FBXL5: variants seen among roughly 807,000 people sequenced by gnomAD.
The protein encoded by FBXL5 is F-box and leucine rich repeat protein 5.
In FBXL5, 26 loss-of-function variants were observed where a neutral mutation model predicts 78.3. That is an observed-to-expected ratio of 0.33 (90% confidence interval 0.24 to 0.46). The LOEUF is 0.46. FBXL5 is among the 20% of genes least tolerant of loss of function. The pLI is 1.00. For synonymous variants in FBXL5, 295 were observed against 282.5 expected, an observed-to-expected ratio of 1.04 and a Z score of -0.45; for missense variants, 710 against 829.2, an observed-to-expected ratio of 0.86 and a Z score of 1.77.
chr4:15,656,253 C>T, upstream of FBXL5: 1 of 456,234 alleles, frequency 2.2e-6, no homozygotes, highest in Non-Finnish European at 4.4e-6. Flanking sequence ...GCCTCTTTCC[C>T]ATAAATCGCC....
chr4:15,611,418 C>T (rs184044033), intron 10 of FBXL5, among the ~76,000 whole-genome samples: 2 of 152,034 alleles, frequency 1.3e-5, no homozygotes, highest in East Asian at 1.9e-4. Context: ...GACAATAGGG[C>T]GCAGTATAAA....
At chr4:15,657,118 C>A (rs368696562), upstream of FBXL5, among the ~76,000 whole-genome samples, 3 of 152,182 alleles carry the variant, frequency 2.0e-5, no homozygotes, top group Non-Finnish European at 4.4e-5. Flanking sequence ...TTTGCCAGGA[C>A]TTTGCCTCTA....
At chr4:15,647,781 T>C (rs190095900) in intron 1 of FBXL5, among the ~76,000 whole-genome samples, 21 of 152,320 alleles carry the variant, frequency 1.4e-4, no homozygotes, top group Non-Finnish European at 2.4e-4. Context: ...TACCAGCAAG[T>C]CATTACATTT....
In FBXL5 at chr4:15,605,415, T is replaced by C. The variant is rs545575113; in HGVS notation, c.*308A>G. ...CCATGGACTTTAAAACTCAAAATTA[T>C]CTATGAAATACTTTAAATGACATGG... On this transcript the variant is annotated 3_prime_UTR_variant, in exon 11 of 11. Transcript: ENST00000341285. The C allele has an allele frequency of 2.5e-4, 60 of 241,102 alleles. No homozygotes were observed. The highest frequency in any genetic ancestry group is 1.5e-3 in the Middle Eastern group (1 of 646). 14.9% of individuals were successfully genotyped at this position (241,102 alleles called of 1,614,324 possible). A position where few individuals can be genotyped will look rare whatever the true frequency, so the allele number is the denominator to read the frequency against.
intron 1 of FBXL5, among the ~76,000 whole-genome samples, chr4:15,647,222 C>CAAAA (rs112736448): frequency 3.7e-3 from 133 of 35,792 alleles, no homozygotes; most frequent in East Asian, 7.0e-3. Context: ...GACTCCATCT[C>CAAAA]AAAAAAAAAA....
upstream of FBXL5, chr4:15,656,477 A>G (rs969386855): frequency 2.9e-6 from 1 of 341,694 alleles, no homozygotes; most frequent in Non-Finnish European, 5.8e-6. Flanking sequence ...TCTATTATCT[A>G]TCACAGTTGC....
Position 15,655,269 on chromosome 4 carries a change from CT to C in FBXL5, c.18del (p.Glu7LysfsTer12). 1 of 1,434,620 alleles carries C rather than the reference CT, an allele frequency of 7.0e-7. No homozygotes were observed. Among genetic ancestry groups the C allele is most frequent in the East Asian group, 3.1e-5 (1 of 32,648 alleles). The allele number at this position is 1,434,620 out of a possible 1,614,324, so 88.9% of individuals were successfully genotyped here. ...TGTGGGGCGGTGAAGACGTCCACTT[CT>C]TCAGGAAAGGGCGCCATCGCCACTG... The part of the protein sequence containing the change: MAPFP[E>X]EVDVFTAPHW... On this transcript the variant is annotated frameshift_variant, in exon 1 of 11. Transcript: ENST00000341285. LOFTEE classifies it high-confidence loss of function.
chr4:15,644,961 G>C (rs1453238606), intron 1 of FBXL5, among the ~76,000 whole-genome samples: 1 of 152,084 alleles, frequency 6.6e-6, no homozygotes, highest in Non-Finnish European at 1.5e-5. Flanking sequence ...ACAAATCACG[G>C]TTTCTTTAAA....
chr4:15,621,651 T>A (rs1314598741), intron 9 of FBXL5, among the ~76,000 whole-genome samples: 1 of 152,184 alleles, frequency 6.6e-6, no homozygotes, highest in Non-Finnish European at 1.5e-5. Flanking sequence ...ATGATTCCAC[T>A]TATATGAGGG....
At chr4:15,658,229 A>G (rs1717113779), upstream of FBXL5, among the ~76,000 whole-genome samples, 1 of 152,258 alleles carries the variant, frequency 6.6e-6, no homozygotes, top group Non-Finnish European at 1.5e-5. Flanking sequence ...ACAAGCAATG[A>G]AAGAATGTTT....
intron 10 of FBXL5, among the ~76,000 whole-genome samples, chr4:15,606,285 G>A (rs1721881429): frequency 6.6e-6 from 1 of 152,058 alleles, no homozygotes; most frequent in East Asian, 1.9e-4. Flanking sequence ...TAATATATTT[G>A]CCATATTTTT....
intron 5 of FBXL5, among the ~76,000 whole-genome samples, chr4:15,632,123 T>C (rs986824534): frequency 7.9e-5 from 12 of 152,228 alleles, no homozygotes; most frequent in African/African-American, 2.9e-4. Flanking sequence ...CAGTTTCAGC[T>C]ATCTACATAT....
At chr4:15,657,294 G>A (rs1717037069), upstream of FBXL5, among the ~76,000 whole-genome samples, 1 of 152,164 alleles carries the variant, frequency 6.6e-6, no homozygotes, top group Non-Finnish European at 1.5e-5. Context: ...TTTATCCTCA[G>A]CACTTAGAAT....
intron 1 of FBXL5, among the ~76,000 whole-genome samples, chr4:15,664,912 A>C (rs1435330945): frequency 6.6e-6 from 1 of 152,074 alleles, no homozygotes; most frequent in Non-Finnish European, 1.5e-5. Flanking sequence ...CTACAGGTAC[A>C]AATGTCACAA....
chr4:15,679,608 C>T (rs923931443), intron 1 of FBXL5, among the ~76,000 whole-genome samples: 1 of 151,050 alleles, frequency 6.6e-6, no homozygotes, highest in African/African-American at 2.4e-5. Flanking sequence ...ACCCAATGGT[C>T]CCAATTCAAT....
intron 1 of FBXL5, among the ~76,000 whole-genome samples, chr4:15,668,360 G>A (rs1280769157): frequency 2.0e-5 from 3 of 151,898 alleles, no homozygotes; most frequent in African/African-American, 7.3e-5. Flanking sequence ...AACTGCTCAA[G>A]TTCAACTGCT....
At position 15,648,576 on chromosome 4, in the gene FBXL5, T is replaced by C. The variant is rs142140675; in HGVS notation, c.85-3868A>G. The stretch of plus-strand genomic sequence containing the variant: ...GGAAATCCTGTCATTTGCAACAACA[T>C]AGATGAACCTGGAAGACAGCTAAGT... On this transcript the variant is annotated intron_variant, in intron 1 of 10. Transcript: ENST00000341285. 5.7e-3 allele frequency among the ~76,000 whole-genome samples: 862 copies of C among 152,262 alleles called. 13 individuals are homozygous for C. The highest frequency in any genetic ancestry group is 0.02 in the African/African-American group (823 of 41,536).
intron 5 of FBXL5, among the ~76,000 whole-genome samples, chr4:15,631,398 A>G (rs1231939651): frequency 1.3e-5 from 2 of 152,198 alleles, no homozygotes; most frequent in Non-Finnish European, 2.9e-5. Flanking sequence ...GTGTCTTTAT[A>G]GTAGCATAAT....
At chr4:15,612,154 A>G (rs1327549928) in intron 10 of FBXL5, 112 bp downstream of exon 10, 11 of 806,894 alleles carry the variant, frequency 1.4e-5, no homozygotes, top group Non-Finnish European at 2.0e-5. Flanking sequence ...TCTGAAAGTA[A>G]GATAGTCTGG....
Sources: gnomAD v4.1 joint callset for allele counts (sites outside exome capture counted in the v4.1 genomes callset) on GRCh38, gnomAD v4.1.1 for gene constraint, MANE v1.5 for transcripts, NCBI Gene and HGNC (gene_info 2026-07-23, HGNC 2026-07-21) for gene names.